Variants in CREB1 observed in about 807,000 individuals in gnomAD.
CREB1 encodes cAMP responsive element binding protein 1.
In CREB1, 2 loss-of-function variants were observed where a neutral mutation model predicts 42.0. The observed-to-expected ratio is 0.05, with a 90% CI of 0.02 to 0.15. CREB1 has a LOEUF of 0.15. Ranked by LOEUF, CREB1 falls within the 10% of genes least tolerant of loss-of-function variation. The pLI is 1.00. For missense variants in CREB1, 199 were observed against 388.9 expected, an observed-to-expected ratio of 0.51 and a Z score of 4.11; for synonymous variants, 123 against 139.9, an observed-to-expected ratio of 0.88 and a Z score of 0.85.
intron 7 of CREB1, among the ~76,000 whole-genome samples, chr2:207,584,620 T>C (rs2083490439): frequency 6.6e-6 from 1 of 152,224 alleles, no homozygotes; most frequent in African/African-American, 2.4e-5. Flanking sequence ...CAGGCTGGTT[T>C]TGAACTCCTG....
chr2:207,540,973 A>G (rs1197263246), intron 1 of CREB1, among the ~76,000 whole-genome samples: 3 of 152,140 alleles, frequency 2.0e-5, no homozygotes, highest in Non-Finnish European at 1.5e-5. Context: ...TAATCCCAGC[A>G]CTTTGGGAGG....
At chr2:207,564,992 ATT>A (rs543074177) in intron 3 of CREB1, among the ~76,000 whole-genome samples, 231 of 151,166 alleles carry the variant, frequency 1.5e-3, no homozygotes, top group African/African-American at 5.5e-3. Flanking sequence ...ATAAAAATAG[ATT>A]TTTGACATGA....
rs1390170689 is a variant in CREB1, at chr2:207,601,844, C to T, written c.*4786C>T. ...ATAGTTCACTCAGTTGTACAAAGCACAACTAGAACTTTTTGTTGGGAGGCT... is the reference window on the plus strand; with the variant it reads ...ATAGTTCACTCAGTTGTACAAAGCATAACTAGAACTTTTTGTTGGGAGGCT... On this transcript the variant is annotated 3_prime_UTR_variant, in exon 8 of 8. Transcript: ENST00000353267. 1 of 218,358 alleles carries T rather than the reference C, an allele frequency of 4.6e-6. No individual in the cohort carries two copies. The highest frequency in any genetic ancestry group is 2.2e-5 in the African/African-American group (1 of 44,500). 13.5% of individuals were successfully genotyped at this position (218,358 alleles called of 1,614,324 possible).
chr2:207,571,294 G>C (rs2082354026), intron 5 of CREB1, among the ~76,000 whole-genome samples: 4 of 151,868 alleles, frequency 2.6e-5, no homozygotes, highest in African/African-American at 9.7e-5. Flanking sequence ...AGGATCACTT[G>C]AGCCATCCAG....
In CREB1 at chr2:207,603,833, T is replaced by G. The variant is rs1472934119; in HGVS notation, c.*6775T>G. Among the ~76,000 whole-genome samples, 3 of 152,194 alleles carry G rather than the reference T, an allele frequency of 2.0e-5. No individual in the cohort carries two copies. The highest frequency in any genetic ancestry group is 6.5e-5 in the Admixed American group (1 of 15,276). ...GAAAGGGGAGGGGATATGGTTAATCTTTGCTTAAGCTGTAAGAATAAAAAA... is the reference window on the plus strand; with the variant it reads ...GAAAGGGGAGGGGATATGGTTAATCGTTGCTTAAGCTGTAAGAATAAAAAA... On this transcript the variant is annotated 3_prime_UTR_variant, in exon 8 of 8. Transcript: ENST00000353267.
chr2:207,567,366 A>G (rs1400993233), intron 3 of CREB1, 97 bp from the exon 4 acceptor site: 5 of 743,074 alleles, frequency 6.7e-6, no homozygotes, highest in South Asian at 1.9e-5. Context: ...CTACTGAAGC[A>G]TGTATAAAGT....
intron 1 of CREB1, among the ~76,000 whole-genome samples, chr2:207,533,089 T>C (rs911263230): frequency 5.9e-5 from 9 of 151,982 alleles, no homozygotes; most frequent in African/African-American, 2.2e-4. Flanking sequence ...CTTGAATCTT[T>C]TTTTTTTTTT....
At position 207,563,507 on chromosome 2, in the gene CREB1, T is replaced by C. The variant is rs145303956; in HGVS notation, c.261+3135T>C. Among the ~76,000 whole-genome samples the C allele has an allele frequency of 4.4e-3, 671 of 152,276 alleles. 4 individuals carry two copies. The highest frequency in any genetic ancestry group is 7.1e-3 in the Non-Finnish European group (486 of 68,018). ...AGCTTGCATAATTGGTAGATGCAAATGAAAATGATTATTTAGTAAGCATAC... is the reference window on the plus strand; with the variant it reads ...AGCTTGCATAATTGGTAGATGCAAACGAAAATGATTATTTAGTAAGCATAC... On this transcript the variant is annotated intron_variant, in intron 3 of 7. Transcript: ENST00000353267.
intron 1 of CREB1, among the ~76,000 whole-genome samples, chr2:207,535,832 A>AT (rs1450234467): frequency 4.0e-5 from 6 of 148,342 alleles, no homozygotes; most frequent in African/African-American, 1.2e-4. Context: ...TTATTTATTT[A>AT]TTTTTTTGAG....
In CREB1 at chr2:207,534,346, C is replaced by T. The variant is rs956995845; in HGVS notation, c.-9+4212C>T. Among the ~76,000 whole-genome samples the T allele has an allele frequency of 3.9e-5, 6 of 152,298 alleles. No individual in the cohort carries two copies. The East Asian group carries it at 1.2e-3, about 29-fold the overall frequency. ...CTGCTTCCTGGATTCAAGTGATTCT[C>T]CTGCCTCAGCCTCCCTAGTAGCTGG... On this transcript the variant is annotated intron_variant, in intron 1 of 7. Transcript: ENST00000353267.
intron 7 of CREB1, among the ~76,000 whole-genome samples, chr2:207,584,519 T>C (rs1407065495): frequency 6.6e-6 from 1 of 152,148 alleles, no homozygotes; most frequent in East Asian, 1.9e-4. Flanking sequence ...TTCTCGTGCC[T>C]CAGCCTCCCT....
chr2:207,549,026 A>AC (rs1472354231), intron 1 of CREB1, among the ~76,000 whole-genome samples: 1 of 152,222 alleles, frequency 6.6e-6, no homozygotes, highest in Admixed American at 6.5e-5. Context: ...TAAAAGCAGA[A>AC]AGACCTTGGT....
In CREB1 at chr2:207,575,177, C is replaced by G. The variant is rs2082527461; in HGVS notation, c.506-95C>G. 6.9e-6 allele frequency: 9 copies of G among 1,297,942 alleles called. No individual in the cohort carries two copies. In the Admixed American group the frequency reaches 1.8e-4, roughly 27 times the overall value. 80.4% of individuals were successfully genotyped at this position (1,297,942 alleles called of 1,614,324 possible). A position where few individuals can be genotyped will look rare whatever the true frequency, so the allele number is the denominator to read the frequency against. ...GTGATGTTATTTGCTGTAACTTCTC[C>G]TAGATTATTTTACAAATTATTCTAC... is the stretch of plus-strand genomic sequence containing the variant. On this transcript the variant is annotated intron_variant, in intron 5 of 7. Transcript: ENST00000353267.
At chr2:207,558,516 T>C (rs769206709) in intron 2 of CREB1, among the ~76,000 whole-genome samples, 1 of 152,160 alleles carries the variant, frequency 6.6e-6, no homozygotes, top group Non-Finnish European at 1.5e-5. Context: ...CCATCTCTAC[T>C]ACTACTAACT....
intron 4 of CREB1, among the ~76,000 whole-genome samples, chr2:207,569,744 A>G (rs2082282308): frequency 1.3e-5 from 2 of 152,082 alleles, no homozygotes; most frequent in East Asian, 1.9e-4. Context: ...TGTAATTTAT[A>G]TATTTTAAAC....
intron 4 of CREB1, among the ~76,000 whole-genome samples, chr2:207,568,775 T>C (rs906902537): frequency 1.3e-5 from 2 of 152,160 alleles, no homozygotes; most frequent in East Asian, 1.9e-4. Context: ...ATTTGAAATA[T>C]GGTATGGTTC....
intron 6 of CREB1, 64 bp from the exon 7 acceptor site, chr2:207,577,441 G>C (rs748771943): frequency 1.5e-4 from 228 of 1,569,544 alleles, no homozygotes; most frequent in Middle Eastern, 3.4e-4. Flanking sequence ...ATTGATGATT[G>C]ATACACATAA....
At chr2:207,564,366 G>C (rs1486465913) in intron 3 of CREB1, among the ~76,000 whole-genome samples, 1 of 151,972 alleles carries the variant, frequency 6.6e-6, no homozygotes, top group Admixed American at 6.6e-5. Context: ...AAATTAGCTG[G>C]GAGTGGTAGT....
intron 7 of CREB1, among the ~76,000 whole-genome samples, chr2:207,586,171 C>G (rs1210276591): frequency 6.6e-6 from 1 of 152,178 alleles, no homozygotes; most frequent in African/African-American, 2.4e-5. Context: ...TGGAAGGCAT[C>G]ACACTACCTG....
Sources: allele counts gnomAD v4.1 joint callset (sites outside exome capture counted in the v4.1 genomes callset), GRCh38; gene constraint gnomAD v4.1.1; transcripts MANE v1.5; gene names NCBI Gene and HGNC (gene_info 2026-07-23, HGNC 2026-07-21).